The following ALG14 variants were observed in gnomAD, a reference collection of about 807,000 sequenced individuals.
ALG14 encodes UDP-N-acetylglucosamine transferase subunit ALG14.
A neutral mutation model predicts 22.8 loss-of-function variants in ALG14; 17 were observed. The ratio of observed to expected loss-of-function variants is 0.75; its 90% CI spans 0.51 to 1.12. ALG14 has a LOEUF of 1.12. ALG14 is among the 50% of genes most tolerant of loss of function. The probability of loss-of-function intolerance (pLI) is 0.00; values close to 1 mark genes in which losing one functional copy is unlikely to be tolerated. For missense variants in ALG14, 288 were observed against 271.8 expected, an observed-to-expected ratio of 1.06 and a Z score of -0.42; for synonymous variants, 89 against 103.7, an observed-to-expected ratio of 0.86 and a Z score of 0.86.
intron 2 of ALG14, among the ~76,000 whole-genome samples, chr1:95,043,497 T>C (rs1461356107): frequency 6.6e-6 from 1 of 152,188 alleles, no homozygotes; most frequent in Non-Finnish European, 1.5e-5. Context: ...CATTAAAGAA[T>C]GAGGCATTAA....
intron 2 of ALG14, among the ~76,000 whole-genome samples, chr1:95,042,421 T>C (rs934584346): frequency 6.6e-6 from 1 of 152,192 alleles, no homozygotes; most frequent in Non-Finnish European, 1.5e-5. Context: ...CACCATGTCT[T>C]CTGGAGTTCT....
At chr1:95,030,090 T>C (rs1673951188) in intron 2 of ALG14, among the ~76,000 whole-genome samples, 1 of 152,168 alleles carries the variant, frequency 6.6e-6, no homozygotes, top group Admixed American at 6.5e-5. Flanking sequence ...CAAAATCCCT[T>C]CTCAGAAACC....
chr1:95,055,870 C>A (rs1219921625), intron 2 of ALG14, among the ~76,000 whole-genome samples: 1 of 136,208 alleles, frequency 7.3e-6, no homozygotes, highest in Non-Finnish European at 1.5e-5. Flanking sequence ...ATTAGCCAGG[C>A]GTGGTGGCGG....
intron 3 of ALG14, among the ~76,000 whole-genome samples, chr1:94,988,791 A>G (rs1672703014): frequency 6.6e-6 from 1 of 152,210 alleles, no homozygotes; most frequent in African/African-American, 2.4e-5. Flanking sequence ...AAATAGTGGC[A>G]TAGAAAGTTT....
intron 3 of ALG14, among the ~76,000 whole-genome samples, chr1:95,001,132 A>G (rs1673054531): frequency 6.6e-6 from 1 of 152,206 alleles, no homozygotes; most frequent in Admixed American, 6.5e-5. Flanking sequence ...CGTGGAGGGA[A>G]GGGAATTTCC....
chr1:94,985,109 G>T (rs553241242), intron 3 of ALG14, among the ~76,000 whole-genome samples: 17 of 152,094 alleles, frequency 1.1e-4, no homozygotes, highest in African/African-American at 3.6e-4. Context: ...AAGGAGTTAC[G>T]TTGCTTCAGG....
intron 3 of ALG14, among the ~76,000 whole-genome samples, chr1:95,008,202 A>C (rs1673269450): frequency 1.3e-5 from 2 of 152,198 alleles, no homozygotes; most frequent in African/African-American, 4.8e-5. Context: ...CCTAACTCCT[A>C]GATTCCCCAC....
chr1:95,049,634 A>G (rs1484227867), intron 2 of ALG14, among the ~76,000 whole-genome samples: 1 of 152,144 alleles, frequency 6.6e-6, no homozygotes, highest in Non-Finnish European at 1.5e-5. Context: ...ACTTTTGGGA[A>G]GCTGAAGCAG....
At chr1:95,023,824 G>A (rs1673731575) in intron 3 of ALG14, among the ~76,000 whole-genome samples, 1 of 152,186 alleles carries the variant, frequency 6.6e-6, no homozygotes, top group African/African-American at 2.4e-5. Flanking sequence ...AATAAAGCCT[G>A]AGAAGAGCAC....
chr1:95,014,272 G>A (rs1571606563), intron 3 of ALG14, among the ~76,000 whole-genome samples: 1 of 152,266 alleles, frequency 6.6e-6, no homozygotes, highest in African/African-American at 2.4e-5. Flanking sequence ...CTGACTTTCA[G>A]AACTATTCTG....
rs547936602 is a variant in ALG14, at chr1:95,021,222, A to C, written c.420+5907T>G. Among the ~76,000 whole-genome samples, 6 of 152,214 alleles carry C rather than the reference A, an allele frequency of 3.9e-5. No homozygotes were observed. The South Asian group carries it at 1.0e-3, about 26-fold the overall frequency. On this transcript the variant is annotated intron_variant, in intron 3 of 3. Coordinates refer to ENST00000370205, the MANE Select transcript of ALG14 (RefSeq NM_144988.4). ...TAGCTTCTCTGACTTCTCCTTTCCT[A>C]ATCTCTCTCCTACCCAGATTTACTC...
rs146284587 is a variant in ALG14 at position 95,060,234 on chromosome 1, C to T, written c.288+4632G>A. Among the ~76,000 whole-genome samples, 409 of 151,868 alleles carry T rather than the reference C, an allele frequency of 2.7e-3. 1 individual carries two copies. Among genetic ancestry groups the T allele is most frequent in the Middle Eastern group, 6.8e-3 (2 of 294 alleles). On this transcript the variant is annotated intron_variant, in intron 2 of 3. Coordinates refer to ENST00000370205, the MANE Select transcript of ALG14 (RefSeq NM_144988.4). ...GTTCACGCTATCTCCCTCAACAGCT[C>T]ATTTGCATCTCTGCAGAGCTCTTCC...
chr1:95,041,282 A>C (rs956442929), intron 2 of ALG14, among the ~76,000 whole-genome samples: 1 of 152,172 alleles, frequency 6.6e-6, no homozygotes, highest in Non-Finnish European at 1.5e-5. Flanking sequence ...ACACACTCAA[A>C]ACCATAACTA....
chr1:95,047,562 T>C (rs1280213151), intron 2 of ALG14, among the ~76,000 whole-genome samples: 1 of 152,162 alleles, frequency 6.6e-6, no homozygotes, highest in Non-Finnish European at 1.5e-5. Flanking sequence ...CAGGCTGGTT[T>C]TGAACTCCTG....
intron 3 of ALG14, among the ~76,000 whole-genome samples, chr1:94,988,754 T>C (rs1672701703): frequency 2.6e-5 from 4 of 152,096 alleles, no homozygotes; most frequent in Admixed American, 2.0e-4. Flanking sequence ...TTGGGAAAAG[T>C]TGTACTGAGA....
intron 3 of ALG14, among the ~76,000 whole-genome samples, chr1:95,007,319 T>C (rs1391384311): frequency 6.6e-6 from 1 of 152,244 alleles, no homozygotes; most frequent in Non-Finnish European, 1.5e-5. Context: ...ACCAGCATCC[T>C]ATGGTCATTT....
At chr1:95,041,292 A>G (rs1253238054) in intron 2 of ALG14, among the ~76,000 whole-genome samples, 3 of 152,208 alleles carry the variant, frequency 2.0e-5, no homozygotes, top group Non-Finnish European at 4.4e-5. Flanking sequence ...AACCATAACT[A>G]TGTTAAGCCA....
chr1:95,026,943 T>C (rs576149037), intron 3 of ALG14, among the ~76,000 whole-genome samples, 186 bp downstream of exon 3: 1 of 152,318 alleles, frequency 6.6e-6, no homozygotes, highest in East Asian at 1.9e-4. Flanking sequence ...TATAAAGAAC[T>C]GATATTTATT....
intron 2 of ALG14, among the ~76,000 whole-genome samples, chr1:95,059,001 T>A (rs1571668984): frequency 6.6e-6 from 1 of 152,176 alleles, no homozygotes; most frequent in East Asian, 2.0e-4. Flanking sequence ...TTTTTGGCTA[T>A]ATTTAGCCTG....
Sources: gnomAD v4.1 joint callset for allele counts (sites outside exome capture counted in the v4.1 genomes callset) on GRCh38, gnomAD v4.1.1 for gene constraint, MANE v1.5 for transcripts, NCBI Gene and HGNC (gene_info 2026-07-23, HGNC 2026-07-21) for gene names.